The following GPHN variants were observed in gnomAD, a reference collection of about 807,000 sequenced individuals.
The protein encoded by GPHN is gephyrin.
Under a neutral mutation model 95.5 loss-of-function variants are expected in GPHN, and 17 were observed. The ratio of observed to expected loss-of-function variants is 0.18; its 90% confidence interval spans 0.12 to 0.27. The LOEUF is 0.27. Among genes scored for constraint, GPHN ranks in the 10% least tolerant of loss-of-function variants. GPHN has a pLI of 1.00. For synonymous variants in GPHN, 320 were observed against 322.5 expected, an observed-to-expected ratio of 0.99 and a Z score of 0.08; for missense variants, 660 against 978.1, an observed-to-expected ratio of 0.67 and a Z score of 4.34.
chr14:67,062,155 GA>G (rs1321763742), intron 11 of GPHN, among the ~76,000 whole-genome samples: 1 of 151,934 alleles, frequency 6.6e-6, no homozygotes, highest in African/African-American at 2.4e-5. Flanking sequence ...ATAAAGCCTA[GA>G]AAAAAAGGTA....
At chr14:66,846,585 A>G (rs1300314620) in intron 4 of GPHN, among the ~76,000 whole-genome samples, 19 of 152,116 alleles carry the variant, frequency 1.2e-4, no homozygotes, top group Non-Finnish European at 2.8e-4. Context: ...ATTCAGGAAG[A>G]AGAATGTAAT....
intron 2 of GPHN, chr14:66,760,954 A>C: frequency 1.4e-6 from 1 of 689,798 alleles, no homozygotes; most frequent in South Asian, 1.3e-5. Context: ...GGCAAAGGGA[A>C]GCAGTTGGAA....
At chr14:66,676,644 TG>T (rs1339339932) in intron 1 of GPHN, among the ~76,000 whole-genome samples, 2 of 151,222 alleles carry the variant, frequency 1.3e-5, no homozygotes, top group Non-Finnish European at 2.9e-5. Flanking sequence ...CTCGCATACC[TG>T]GGATAAATTC....
chr14:67,624,570 A>T, the GPHN span, among the ~76,000 whole-genome samples: 6 of 152,250 alleles, frequency 3.9e-5, no homozygotes, highest in East Asian at 5.8e-4. Flanking sequence ...GGTGATACAC[A>T]CTTTTAACCG....
chr14:66,698,027 T>C (rs781396784), intron 2 of GPHN, among the ~76,000 whole-genome samples: 1 of 152,074 alleles, frequency 6.6e-6, no homozygotes, highest in African/African-American at 2.4e-5. Context: ...TCTTATGAAA[T>C]TGAAAAATAT....
At chr14:67,295,357 G>T in the GPHN span, among the ~76,000 whole-genome samples, 1 of 151,952 alleles carries the variant, frequency 6.6e-6, no homozygotes, top group Admixed American at 6.6e-5. Context: ...GGCTGTAGTG[G>T]TGTACACCTG....
intron 1 of GPHN, among the ~76,000 whole-genome samples, chr14:66,571,665 G>A (rs2060695156): frequency 1.3e-5 from 2 of 152,024 alleles, no homozygotes; most frequent in Admixed American, 6.6e-5. Context: ...ATAAAAATTA[G>A]CCAGGCGTGG....
chr14:67,234,055 C>T, the GPHN span, among the ~76,000 whole-genome samples: 1 of 152,152 alleles, frequency 6.6e-6, no homozygotes, highest in Non-Finnish European at 1.5e-5. Flanking sequence ...CATACTATGT[C>T]CAGCACTGTT....
the GPHN span, among the ~76,000 whole-genome samples, chr14:67,671,904 G>A: frequency 6.6e-6 from 1 of 152,186 alleles, no homozygotes; most frequent in Non-Finnish European, 1.5e-5. Context: ...TCTGAGGATG[G>A]AGCCCTCATG....
intron 1 of GPHN, among the ~76,000 whole-genome samples, chr14:66,672,541 C>G (rs1219132864): frequency 1.3e-5 from 2 of 152,116 alleles, no homozygotes; most frequent in Non-Finnish European, 2.9e-5. Flanking sequence ...TCATCTATTA[C>G]TCCTTGCACT....
rs150146731 is a variant in GPHN at position 66,755,694 on chromosome 14, A to G, written c.144-20770A>G. 5.7e-3 allele frequency among the ~76,000 whole-genome samples: 866 copies of G among 152,244 alleles called. 5 individuals are homozygous for G. Among genetic ancestry groups the G allele is most frequent in the South Asian group, 0.012 (57 of 4,828 alleles). On this transcript the variant is annotated intron_variant, in intron 2 of 22. Coordinates refer to ENST00000478722, the MANE Select transcript of GPHN (RefSeq NM_020806.5). ...GTAAAAATTCCTGTGACCCATGAAC[A>G]TCATCAACCAATGTTATGAGATAAA... is the stretch of plus-strand genomic sequence containing the variant.
At chr14:66,931,189 A>G (rs2066771704) in intron 8 of GPHN, among the ~76,000 whole-genome samples, 1 of 152,116 alleles carries the variant, frequency 6.6e-6, no homozygotes, top group African/African-American at 2.4e-5. Context: ...CCCAGCCTGT[A>G]AGGTTTCCAC....
intron 20 of GPHN, among the ~76,000 whole-genome samples, chr14:67,168,287 A>G (rs2082398450): frequency 1.3e-5 from 2 of 152,290 alleles, no homozygotes; most frequent in Admixed American, 1.3e-4. Context: ...CTATTGGATT[A>G]CGGCCACATC....
the GPHN span, chr14:67,360,311 A>G: frequency 1.6e-3 from 622 of 398,416 alleles, 2 homozygotes; most frequent in African/African-American, 0.012. Flanking sequence ...GCGCTTGCGC[A>G]TGCGAGGAGG....
chr14:67,542,015 G>T, the GPHN span: 1 of 1,579,198 alleles, frequency 6.3e-7, no homozygotes, highest in Non-Finnish European at 8.6e-7. Context: ...AGAGCAGGGA[G>T]CTGCCTCTCC....
At chr14:67,162,113 T>C (rs1372932415) in intron 19 of GPHN, among the ~76,000 whole-genome samples, 1 of 152,244 alleles carries the variant, frequency 6.6e-6, no homozygotes, top group African/African-American at 2.4e-5. Flanking sequence ...AGGACATTTA[T>C]GATAGCCATG....
chr14:67,105,515 G>A (rs1000110493), intron 13 of GPHN, among the ~76,000 whole-genome samples: 3 of 152,092 alleles, frequency 2.0e-5, no homozygotes, highest in African/African-American at 7.2e-5. Flanking sequence ...GTGATCCCAT[G>A]TTCAATGCAT....
chr14:66,826,449 C>T (rs986096024), intron 4 of GPHN, among the ~76,000 whole-genome samples: 1 of 152,090 alleles, frequency 6.6e-6, no homozygotes, highest in African/African-American at 2.4e-5. Context: ...TAGTACTAGA[C>T]TCTGCAGATT....
At chr14:67,490,726 C>T in the GPHN span, among the ~76,000 whole-genome samples, 1 of 152,174 alleles carries the variant, frequency 6.6e-6, no homozygotes, top group Non-Finnish European at 1.5e-5. Flanking sequence ...GGCCTGGAAC[C>T]TAACACTGGA....
Sources: allele counts gnomAD v4.1 joint callset (sites outside exome capture counted in the v4.1 genomes callset), GRCh38; gene constraint gnomAD v4.1.1; transcripts MANE v1.5; gene names NCBI Gene and HGNC (gene_info 2026-07-23, HGNC 2026-07-21).